HLA-DQB2: variants seen among roughly 807,000 people sequenced by gnomAD.
HLA-DQB2 encodes the protein HLA class II histocompatibility antigen, DQ beta 2 chain.
A neutral mutation model predicts 29.2 loss-of-function variants in HLA-DQB2; 24 were observed. The ratio of observed to expected loss-of-function variants is 0.82; its 90% CI spans 0.60 to 1.16. The LOEUF is 1.16. Ranked by LOEUF, HLA-DQB2 falls within the 50% of genes most tolerant of loss-of-function variation. The pLI, the probability that HLA-DQB2 is intolerant of heterozygous loss-of-function variation, is 0.00. For synonymous variants in HLA-DQB2, 104 were observed against 133.1 expected (o/e 0.78, Z 1.51); for missense variants, 273 against 343.6 (o/e 0.79, Z 1.62).
At position 32,761,697 on chromosome 6, in the gene HLA-DQB2, G is replaced by A. The variant is rs1306996442; in HGVS notation, c.327C>T (p.Asn109=). 6.4e-7 allele frequency: 1 copy of A among 1,552,388 alleles called. No individual in the cohort carries two copies. The change falls in exon 2 of 6, where the codon AAC becomes AAT. Residue 109 remains asparagine (N), a synonymous_variant. Coordinates refer to ENST00000437316, the MANE Select transcript of HLA-DQB2 (RefSeq NM_001300790.2). ...RAAVDKVCRH[N]YEAELRTTLQ... ...AGGTCGTGCGCAGCTCCGCCTCGTA[G>A]TTGTGTCTGCACACCTTGTCCACCG...
intron 4 of HLA-DQB2, 81 bp from the exon 5 acceptor site, chr6:32,757,385 GTT>G: frequency 9.9e-7 from 1 of 1,006,830 alleles, no homozygotes; most frequent in Non-Finnish European, 1.5e-6. Context: ...GACACATGTA[GTT>G]TAATTGGGGT....
In HLA-DQB2 at chr6:32,759,145, C is replaced by T. The variant is rs927756571; in HGVS notation, c.365-14G>A. The T allele has an allele frequency of 6.2e-7, 1 of 1,611,926 alleles. No homozygotes were observed. The highest frequency in any genetic ancestry group is 8.5e-7 in the Non-Finnish European group (1 of 1,179,162). On this transcript the variant is annotated splice_polypyrimidine_tract_variant and intron_variant, in intron 2 of 5. Transcript: ENST00000437316. Reference sequence around the variant, plus strand: ...CTGTGGGCTCCACTGAGGGCAGTAACAGACAGGGAAAGATATAGGAGTGAG... The same window carrying T: ...CTGTGGGCTCCACTGAGGGCAGTAATAGACAGGGAAAGATATAGGAGTGAG...
At chr6:32,762,103 G>A (rs9276583) in intron 1 of HLA-DQB2, among the ~76,000 whole-genome samples, 177 bp from the exon 2 acceptor site, 97,128 of 151,986 alleles carry the variant, frequency 0.64, 31,638 homozygotes, top group East Asian at 0.87. Flanking sequence ...GATCCTCGAG[G>A]CATCTCTGCC....
intron 1 of HLA-DQB2, 85 bp downstream of exon 1, chr6:32,763,289 T>C (rs1320023678): frequency 2.8e-6 from 2 of 725,112 alleles, no homozygotes; most frequent in Non-Finnish European, 4.9e-6. Flanking sequence ...TCTGAGATCA[T>C]GGAGATCACC....
chr6:32,757,329 A>G, intron 4 of HLA-DQB2, 25 bp from the exon 5 acceptor site: 1 of 1,510,552 alleles, frequency 6.6e-7, no homozygotes, highest in Non-Finnish European at 9.0e-7. Context: ...TATACAGAGA[A>G]AGGTCTTGTT....
intron 3 of HLA-DQB2, among the ~76,000 whole-genome samples, chr6:32,758,122 C>T (rs972995105): frequency 4.9e-5 from 7 of 141,840 alleles, no homozygotes; most frequent in African/African-American, 1.8e-4. Flanking sequence ...AGCCCTAAGT[C>T]AGTCTCTCAT....
At chr6:32,763,305 C>T in intron 1 of HLA-DQB2, 69 bp downstream of exon 1, 1 of 840,646 alleles carries the variant, frequency 1.2e-6, no homozygotes, top group Non-Finnish European at 2.0e-6. Flanking sequence ...TCACCATCCC[C>T]CATACTCCAA....
At chr6:32,756,552 TCAAA>T (rs1764278344) in intron 5 of HLA-DQB2, 86 bp from the exon 6 acceptor site, 3 of 1,535,006 alleles carry the variant, frequency 2.0e-6, no homozygotes, top group Non-Finnish European at 2.6e-6. Flanking sequence ...CTCTGTAGCA[TCAAA>T]CAGAGGATGC....
At chr6:32,756,545 T>G (rs1764277141) in intron 5 of HLA-DQB2, 79 bp from the exon 6 acceptor site, 33 of 1,542,446 alleles carry the variant, frequency 2.1e-5, no homozygotes, top group Admixed American at 8.1e-5. Flanking sequence ...CAGTTCCCTC[T>G]GTAGCATCAA....
At position 32,759,352 on chromosome 6, in the gene HLA-DQB2, G is replaced by C. The variant is rs117678824; in HGVS notation, c.365-221C>G. ...CTGCCTTTATAGAACTTGCAATCTA[G>C]TAACAGAGACCAAAAAATTGAATGT... On this transcript the variant is annotated intron_variant, in intron 2 of 5. Coordinates refer to ENST00000437316, the MANE Select transcript of HLA-DQB2 (RefSeq NM_001300790.2). Among the ~76,000 whole-genome samples, 108 of 144,312 alleles carry C rather than the reference G, an allele frequency of 7.5e-4. 1 individual carries two copies. In the East Asian group the frequency reaches 0.022, roughly 29 times the overall value. The allele number at this position is 144,312 out of a possible 152,430, so 94.7% of individuals were successfully genotyped here.
chr6:32,757,152 C>T (rs1764327731), intron 5 of HLA-DQB2, 129 bp downstream of exon 5: 16 of 1,489,628 alleles, frequency 1.1e-5, no homozygotes, highest in South Asian at 3.7e-5. Flanking sequence ...CCCAAGTAGC[C>T]GGGATTACAG....
At chr6:32,757,025 C>CTTTTTT in intron 5 of HLA-DQB2, 7 of 1,244,102 alleles carry the variant, frequency 5.6e-6, no homozygotes, top group South Asian at 2.1e-5. Flanking sequence ...TCATGCTCTT[C>CTTTTTT]TTTTTTTTTT....
chr6:32,759,908 C>A (rs1215267296), intron 2 of HLA-DQB2, among the ~76,000 whole-genome samples: 2 of 152,176 alleles, frequency 1.3e-5, no homozygotes, highest in Non-Finnish European at 2.9e-5. Flanking sequence ...CACTCATGAG[C>A]CATTGTCTGG....
chr6:32,758,780 GAAGGA>G, intron 3 of HLA-DQB2, 65 bp downstream of exon 3: 1 of 1,538,746 alleles, frequency 6.5e-7, no homozygotes, highest in Non-Finnish European at 8.8e-7. Flanking sequence ...GATGGGATGG[GAAGGA>G]TCAGCGGGAG....
intron 3 of HLA-DQB2, among the ~76,000 whole-genome samples, chr6:32,758,603 G>T (rs968971266): frequency 6.6e-6 from 1 of 152,294 alleles, no homozygotes; most frequent in South Asian, 2.1e-4. Context: ...CAGTCTCAGA[G>T]ATTTCTTTGT....
intron 1 of HLA-DQB2, among the ~76,000 whole-genome samples, 200 bp from the exon 2 acceptor site, chr6:32,762,126 G>C (rs1278337304): frequency 2.0e-5 from 3 of 152,146 alleles, no homozygotes; most frequent in Admixed American, 6.5e-5. Flanking sequence ...AGCCCTGCCC[G>C]CCCTCTCTGA....
At chr6:32,759,343 TG>T (rs1312320877) in intron 2 of HLA-DQB2, among the ~76,000 whole-genome samples, 4 of 147,598 alleles carry the variant, frequency 2.7e-5, no homozygotes, top group Non-Finnish European at 6.0e-5. Context: ...TTATAGAACT[TG>T]CAATCTAGTA....
In HLA-DQB2 at chr6:32,761,800, A is replaced by T. The variant is rs771906953; in HGVS notation, c.224T>A (p.Phe75Tyr). ...CCGCCCCAGCTCGGTCACCGCCTGG[A>T]ACTCCCCAACGTCGCTGTCGAAGCG... Reference protein sequence around the residue: ...YGRFDSDVGEFQAVTELGRSI... With the variant: ...YGRFDSDVGEYQAVTELGRSI... Residue 75 changes from phenylalanine (F) to tyrosine (Y), a missense_variant, in exon 2 of 6, where the codon TTC becomes TAC. Phe to Tyr is a conservative substitution (Grantham distance 22, BLOSUM62 3). Coordinates refer to ENST00000437316, the MANE Select transcript of HLA-DQB2 (RefSeq NM_001300790.2). The T allele has an allele frequency of 1.3e-6, 2 of 1,596,846 alleles. No homozygotes were observed. Among genetic ancestry groups the T allele is most frequent in the Non-Finnish European group, 1.7e-6 (2 of 1,171,850 alleles).
intron 3 of HLA-DQB2, among the ~76,000 whole-genome samples, chr6:32,758,422 G>C (rs1192468912): frequency 2.0e-5 from 3 of 152,092 alleles, no homozygotes; most frequent in African/African-American, 7.2e-5. Context: ...CTTCTGCCAT[G>C]ATTAGGAGCT....
Sources: gnomAD v4.1 joint callset for allele counts (sites outside exome capture counted in the v4.1 genomes callset) on GRCh38, gnomAD v4.1.1 for gene constraint, MANE v1.5 for transcripts, NCBI Gene and HGNC (gene_info 2026-07-23, HGNC 2026-07-21) for gene names.